WRAP73: variants seen among roughly 807,000 people sequenced by gnomAD.
WRAP73 encodes the protein WD repeat-containing protein WRAP73.
WRAP73 carries 55 observed loss-of-function variants against 59.6 expected under a neutral mutation model. The ratio of observed to expected loss-of-function variants is 0.92; its 90% CI spans 0.74 to 1.15. The LOEUF is 1.15. Among genes scored for constraint, WRAP73 ranks in the 50% most tolerant of loss-of-function variants. The pLI is 0.00. For synonymous variants in WRAP73, 265 were observed against 258.2 expected (o/e 1.03, Z -0.25); for missense variants, 592 against 608.1 (o/e 0.97, Z 0.28).
At chr1:3,645,266 G>A (rs1049684624) in intron 3 of WRAP73, among the ~76,000 whole-genome samples, 2 of 152,238 alleles carry the variant, frequency 1.3e-5, no homozygotes, top group Non-Finnish European at 2.9e-5. Flanking sequence ...CACACGCTGG[G>A]AGAAATCCTC....
chr1:3,649,790 G>A, intron 1 of WRAP73, 141 bp downstream of exon 1: 1 of 845,270 alleles, frequency 1.2e-6, no homozygotes, highest in Non-Finnish European at 1.8e-6. Context: ...CCGGGTACCT[G>A]CCCGGGCCCC....
At chr1:3,633,282 A>G (rs1387662794) in intron 9 of WRAP73, 116 bp downstream of exon 9, 1 of 967,492 alleles carries the variant, frequency 1.0e-6, no homozygotes, top group Admixed American at 1.9e-5. Flanking sequence ...GGCTGGAAGC[A>G]TGGAAGGGAA....
intron 10 of WRAP73, 78 bp from the exon 11 acceptor site, chr1:3,631,735 T>C: frequency 1.3e-6 from 2 of 1,521,210 alleles, no homozygotes; most frequent in Non-Finnish European, 1.8e-6. Context: ...TGCTCTGCTG[T>C]TGACACCACA....
intron 6 of WRAP73, 37 bp from the exon 7 acceptor site, chr1:3,635,331 C>T (rs1436197942): frequency 6.2e-7 from 1 of 1,610,472 alleles, no homozygotes; most frequent in East Asian, 2.2e-5. Context: ...ATGAATACAC[C>T]CCCGTCGCCA....
chr1:3,632,450 AAG>A, intron 9 of WRAP73, 112 bp from the exon 10 acceptor site: 2 of 1,548,652 alleles, frequency 1.3e-6, no homozygotes, highest in Non-Finnish European at 1.8e-6. Flanking sequence ...CCTCTGTTCA[AAG>A]GGGAGGAAAG....
At position 3,636,042 on chromosome 1, in the gene WRAP73, A is replaced by AG. The variant is rs200699124; in HGVS notation, c.517-13dup. 39 of 1,606,162 alleles carry AG rather than the reference A, an allele frequency of 2.4e-5. No homozygotes were observed. The South Asian group carries it at 3.4e-4, about 14-fold the overall frequency. ...TCCGTATCAAAATGCTTCCAAAGGA[A>AG]GGGGGGGAAACATTAAATTTGGAAA... On this transcript the variant is annotated splice_polypyrimidine_tract_variant and intron_variant, in intron 5 of 11. Transcript: ENST00000270708.
chr1:3,644,583 T>C (rs1644672710), intron 3 of WRAP73, among the ~76,000 whole-genome samples: 1 of 152,236 alleles, frequency 6.6e-6, no homozygotes, highest in Non-Finnish European at 1.5e-5. Context: ...AGACACATTT[T>C]GACATCTTGG....
In WRAP73 at chr1:3,633,451, G is replaced by A. The variant is rs768983097; in HGVS notation, c.869C>T (p.Ser290Phe). Residue 290 changes from serine (S) to phenylalanine (F), a missense_variant, in exon 9 of 12, where the codon TCC (serine) becomes TTC (phenylalanine). Transcript: ENST00000270708. Reference sequence around the variant, plus strand: ...GGCCCCGGCCCGGGGCGGCGGGAAGGAGAGGCAGCCCAGTCCCAGCTGTGG... The same window carrying A: ...GGCCCCGGCCCGGGGCGGCGGGAAGAAGAGGCAGCCCAGTCCCAGCTGTGG... ...KSPQLGLGCL[S>F]FPPPRAGAGP... The A allele has an allele frequency of 2.5e-6, 4 of 1,612,380 alleles. No individual in the cohort carries two copies. The highest frequency in any genetic ancestry group is 3.4e-6 in the Non-Finnish European group (4 of 1,179,734).
At chr1:3,638,653 T>C (rs991246321) in intron 4 of WRAP73, 97 bp downstream of exon 4, 3 of 1,369,974 alleles carry the variant, frequency 2.2e-6, no homozygotes, top group East Asian at 2.3e-5. Context: ...TGTGTTGATA[T>C]GCTGCTGAAG....
intron 8 of WRAP73, 48 bp from the exon 9 acceptor site, chr1:3,633,551 A>G: frequency 1.4e-6 from 2 of 1,454,576 alleles, no homozygotes; most frequent in Non-Finnish European, 9.3e-7. Context: ...GGGACCCGGA[A>G]GCCAAGGATG....
At chr1:3,631,925 CTT>C in intron 10 of WRAP73, 1 of 1,390,412 alleles carries the variant, frequency 7.2e-7, no homozygotes, top group Non-Finnish European at 9.3e-7. Context: ...TGGAGAAACC[CTT>C]AACAAAAGGC....
At position 3,642,224 on chromosome 1, in the gene WRAP73, C is replaced by T. The variant is rs139780121; in HGVS notation, c.340-3402G>A. Among the ~76,000 whole-genome samples, 818 of 152,116 alleles carry T rather than the reference C, an allele frequency of 5.4e-3. 6 individuals carry two copies. The highest frequency in any genetic ancestry group is 0.017 in the South Asian group (82 of 4,820). On this transcript the variant is annotated intron_variant, in intron 3 of 11. Transcript: ENST00000270708. The stretch of plus-strand genomic sequence containing the variant: ...GAAACAAAGGGAGACCCCAACTCTA[C>T]AAAAAAATTGTTTTTAAAAAATCTG...
intron 6 of WRAP73, 48 bp downstream of exon 6, chr1:3,635,896 C>T: frequency 6.7e-7 from 1 of 1,490,112 alleles, no homozygotes; most frequent in Admixed American, 1.7e-5. Context: ...GCATGAAATT[C>T]CGGGAAAAGC....
chr1:3,633,035 C>T (rs182637337), intron 9 of WRAP73: 34 of 278,144 alleles, frequency 1.2e-4, no homozygotes, highest in African/African-American at 6.4e-4. Context: ...GGCCTCAAGC[C>T]GGAGACAGCG....
intron 3 of WRAP73, among the ~76,000 whole-genome samples, chr1:3,645,115 A>T (rs991101882): frequency 6.6e-6 from 1 of 152,238 alleles, no homozygotes; most frequent in African/African-American, 2.4e-5. Flanking sequence ...AGTATTTTTT[A>T]AAATCGAAAC....
chr1:3,640,546 GGCGGGGT>G, intron 3 of WRAP73, among the ~76,000 whole-genome samples: 1 of 125,986 alleles, frequency 7.9e-6, no homozygotes, highest in South Asian at 2.3e-4. Context: ...GCATCAGCAG[GGCGGGGT>G]GCAGCGCCCG....
chr1:3,638,306 C>G (rs1644607030), intron 4 of WRAP73, among the ~76,000 whole-genome samples: 1 of 152,236 alleles, frequency 6.6e-6, no homozygotes, highest in Non-Finnish European at 1.5e-5. Context: ...GTCACATATC[C>G]CTCTGGGATG....
chr1:3,642,214 C>A (rs1644652902), intron 3 of WRAP73, among the ~76,000 whole-genome samples: 1 of 152,030 alleles, frequency 6.6e-6, no homozygotes, highest in Non-Finnish European at 1.5e-5. Flanking sequence ...AAAGGGAGAC[C>A]CCAACTCTAC....
At chr1:3,632,409 T>C in intron 9 of WRAP73, 71 bp from the exon 10 acceptor site, 1 of 1,609,958 alleles carries the variant, frequency 6.2e-7, no homozygotes. Flanking sequence ...GAGAGGCTGC[T>C]GTGCCTGCAT....
Sources: allele counts gnomAD v4.1 joint callset (sites outside exome capture counted in the v4.1 genomes callset), GRCh38; gene constraint gnomAD v4.1.1; transcripts MANE v1.5; gene names NCBI Gene and HGNC (gene_info 2026-07-23, HGNC 2026-07-21).